AGMO: variants seen among roughly 807,000 people sequenced by gnomAD.
AGMO encodes alkylglycerol monooxygenase, also known as glyceryl-ether monooxygenase.
Under a neutral mutation model 60.2 loss-of-function variants are expected in AGMO, and 75 were observed. The observed-to-expected ratio is 1.25, with a 90% CI of 1.03 to 1.51. The LOEUF (loss-of-function observed/expected upper bound fraction) is 1.51, where lower values mean the gene tolerates loss of function less well. Ranked by LOEUF, AGMO falls within the 40% of genes most tolerant of loss-of-function variation. The pLI, the probability that AGMO is intolerant of heterozygous loss-of-function variation, is 0.00. For missense variants in AGMO, 763 were observed against 525.5 expected, an observed-to-expected ratio of 1.45 and a Z score of -4.42; for synonymous variants, 261 against 177.1, an observed-to-expected ratio of 1.47 and a Z score of -3.76.
chr7:15,169,364 T>G, the AGMO span, among the ~76,000 whole-genome samples: 1 of 152,220 alleles, frequency 6.6e-6, no homozygotes, highest in African/African-American at 2.4e-5. Context: ...TTAGTTCATA[T>G]TCTCAATTCG....
the AGMO span, among the ~76,000 whole-genome samples, chr7:15,138,507 A>G: frequency 6.6e-6 from 1 of 152,210 alleles, no homozygotes; most frequent in Non-Finnish European, 1.5e-5. Flanking sequence ...GATATAAAAT[A>G]AGACTTCAAT....
At chr7:15,193,190 C>T in the AGMO span, among the ~76,000 whole-genome samples, 1 of 152,054 alleles carries the variant, frequency 6.6e-6, no homozygotes, top group Non-Finnish European at 1.5e-5. Flanking sequence ...AAAATACTAT[C>T]CATACAGGTA....
the AGMO span, among the ~76,000 whole-genome samples, chr7:15,144,479 A>G: frequency 1.3e-5 from 2 of 152,230 alleles, no homozygotes; most frequent in Non-Finnish European, 2.9e-5. Context: ...TGCAAATGAG[A>G]AAAATAAGTC....
At chr7:15,479,319 T>C (rs1156522245) in intron 3 of AGMO, among the ~76,000 whole-genome samples, 1 of 152,090 alleles carries the variant, frequency 6.6e-6, no homozygotes, top group African/African-American at 2.4e-5. Flanking sequence ...ATGGATTGAA[T>C]ACACAGGTGA....
At chr7:15,260,659 C>T (rs574474958) in intron 12 of AGMO, among the ~76,000 whole-genome samples, 1 of 152,132 alleles carries the variant, frequency 6.6e-6, no homozygotes, top group South Asian at 2.1e-4. Context: ...TACCCTACAA[C>T]AAATGGACTT....
intron 12 of AGMO, among the ~76,000 whole-genome samples, chr7:15,268,150 T>C (rs889690883): frequency 6.6e-6 from 1 of 152,022 alleles, no homozygotes; most frequent in African/African-American, 2.4e-5. Context: ...CCCTTTCTGA[T>C]TGCCTGTTAT....
At chr7:15,139,696 C>T in the AGMO span, among the ~76,000 whole-genome samples, 8 of 151,150 alleles carry the variant, frequency 5.3e-5, 1 homozygote, top group South Asian at 1.7e-3. Flanking sequence ...AATAGAATTG[C>T]TGGGTCATTT....
chr7:15,413,080 T>C (rs1431358419), intron 5 of AGMO, among the ~76,000 whole-genome samples: 2 of 152,200 alleles, frequency 1.3e-5, no homozygotes, highest in Non-Finnish European at 2.9e-5. Context: ...AAATAATTAT[T>C]ACATTTAGGA....
chr7:15,408,510 C>T (rs1178171936), intron 5 of AGMO, among the ~76,000 whole-genome samples: 2 of 151,782 alleles, frequency 1.3e-5, no homozygotes, highest in Non-Finnish European at 2.9e-5. Context: ...TTTAGGAGGA[C>T]AACTCAACCA....
At chr7:15,544,581 C>A (rs1331713858) in intron 3 of AGMO, among the ~76,000 whole-genome samples, 191 bp downstream of exon 3, 1 of 152,080 alleles carries the variant, frequency 6.6e-6, no homozygotes, top group African/African-American at 2.4e-5. Flanking sequence ...AATTTCATAT[C>A]ATTTTTAAAA....
intron 12 of AGMO, among the ~76,000 whole-genome samples, chr7:15,321,859 C>G (rs1781118137): frequency 6.6e-6 from 1 of 152,028 alleles, no homozygotes; most frequent in South Asian, 2.1e-4. Flanking sequence ...CTTTAACCTC[C>G]ATACCAGACT....
intron 12 of AGMO, among the ~76,000 whole-genome samples, chr7:15,219,373 G>A (rs1395472962): frequency 6.6e-6 from 1 of 152,070 alleles, no homozygotes; most frequent in Non-Finnish European, 1.5e-5. Flanking sequence ...ATGATTGCAT[G>A]ATTACATTAA....
At chr7:15,384,162 C>T (rs1214999373) in intron 10 of AGMO, among the ~76,000 whole-genome samples, 1 of 152,140 alleles carries the variant, frequency 6.6e-6, no homozygotes. Flanking sequence ...TGGTCTCGAT[C>T]TCCTGACCTC....
At chr7:15,505,256 ATTTAC>A (rs1783482426) in intron 3 of AGMO, among the ~76,000 whole-genome samples, 1 of 152,018 alleles carries the variant, frequency 6.6e-6, no homozygotes, top group Non-Finnish European at 1.5e-5. Context: ...AATTAAGGCT[ATTTAC>A]TTTATGTTCT....
At chr7:15,365,930 T>C (rs998251111) in intron 11 of AGMO, among the ~76,000 whole-genome samples, 3 of 152,092 alleles carry the variant, frequency 2.0e-5, no homozygotes, top group African/African-American at 7.2e-5. Flanking sequence ...TTCACTGATT[T>C]AATGTCTTCA....
At chr7:15,117,683 GAAGT>G in the AGMO span, among the ~76,000 whole-genome samples, 3 of 151,942 alleles carry the variant, frequency 2.0e-5, no homozygotes, top group African/African-American at 7.2e-5. Flanking sequence ...TTTTTAAAGA[GAAGT>G]AATTGAAGAA....
chr7:15,230,923 A>T (rs1355094251), intron 12 of AGMO, among the ~76,000 whole-genome samples: 2 of 152,074 alleles, frequency 1.3e-5, no homozygotes, highest in African/African-American at 4.8e-5. Context: ...GGAAGTCATC[A>T]CTTTCTCTGG....
At chr7:15,162,793 G>A in the AGMO span, among the ~76,000 whole-genome samples, 2 of 152,258 alleles carry the variant, frequency 1.3e-5, no homozygotes, top group East Asian at 3.9e-4. Flanking sequence ...GTCAGATAAA[G>A]TGATACCTCC....
intron 10 of AGMO, among the ~76,000 whole-genome samples, chr7:15,367,235 G>A (rs1275289757): frequency 6.7e-6 from 1 of 148,226 alleles, no homozygotes; most frequent in Non-Finnish European, 1.5e-5. Context: ...CTAATGTACT[G>A]GAAATAAATG....
Sources: allele counts gnomAD v4.1 joint callset (sites outside exome capture counted in the v4.1 genomes callset), GRCh38; gene constraint gnomAD v4.1.1; transcripts MANE v1.5; gene names NCBI Gene and HGNC (gene_info 2026-07-23, HGNC 2026-07-21).